The following C19orf38 variants were observed in gnomAD, a reference collection of about 807,000 sequenced individuals.
C19orf38 encodes protein HIDE1.
C19orf38 carries 14 observed loss-of-function variants against 26.6 expected under a neutral mutation model. That is an observed-to-expected ratio of 0.53 (90% CI 0.35 to 0.82). C19orf38 has a LOEUF of 0.82. C19orf38 is among the 40% of genes least tolerant of loss of function. The pLI is 0.01. For synonymous variants in C19orf38, 132 were observed against 128.5 expected (o/e 1.03, Z -0.18); for missense variants, 261 against 299.5 (o/e 0.87, Z 0.95).
rs568272352 is a variant in C19orf38 at position 10,858,565 on chromosome 19, G to C, written c.461+222G>C. ...ATCCTTATGGCAGCCCTGGAAACAG[G>C]CACCATGAATAGCCCTATTTTACAG... On this transcript the variant is annotated intron_variant, in intron 4 of 6. Transcript: ENST00000397820. 5.3e-5 allele frequency among the ~76,000 whole-genome samples: 8 copies of C among 152,262 alleles called. No homozygotes were observed. The East Asian group carries it at 1.2e-3, about 22-fold the overall frequency.
rs140868481 is a variant in C19orf38, at chr19:10,838,356, G to C, written c.-69+1586G>C. Among the ~76,000 whole-genome samples the C allele has an allele frequency of 5.6e-4, 86 of 152,328 alleles. 1 individual carries two copies. Among genetic ancestry groups the C allele is most frequent in the African/African-American group, 1.7e-3 (71 of 41,582 alleles). Reference sequence around the variant, plus strand: ...ACCTGGGAAGCGGAGCTTGCAGTGAGCCCAGATGATGCCACTGCACTCCAG... The same window carrying C: ...ACCTGGGAAGCGGAGCTTGCAGTGACCCCAGATGATGCCACTGCACTCCAG... On this transcript the variant is annotated intron_variant, in intron 1 of 7. Transcript: ENST00000592854.
At chr19:10,847,644 C>T (rs1041623825), upstream of C19orf38, among the ~76,000 whole-genome samples, 5 of 151,908 alleles carry the variant, frequency 3.3e-5, no homozygotes, top group African/African-American at 9.7e-5. Context: ...GCTGGGATTA[C>T]AGGCGTGAGC....
At chr19:10,844,750 A>G (rs1177426417), upstream of C19orf38, among the ~76,000 whole-genome samples, 4 of 150,630 alleles carry the variant, frequency 2.7e-5, no homozygotes, top group African/African-American at 9.8e-5. Context: ...CGGGAGACTG[A>G]GGCAGGAGAA....
At chr19:10,861,262 G>C (rs1007750006) in intron 5 of C19orf38, among the ~76,000 whole-genome samples, 1 of 152,172 alleles carries the variant, frequency 6.6e-6, no homozygotes, top group Admixed American at 6.6e-5. Context: ...GTCTATCTCC[G>C]GGACTCCAGG....
intron 6 of C19orf38, among the ~76,000 whole-genome samples, chr19:10,863,491 C>G (rs2073723708): frequency 6.6e-6 from 1 of 152,146 alleles, no homozygotes. Context: ...TCAGTGCTGC[C>G]TTTGGTCTCA....
At chr19:10,852,000 A>G (rs1411902254) in intron 2 of C19orf38, among the ~76,000 whole-genome samples, 1 of 151,686 alleles carries the variant, frequency 6.6e-6, no homozygotes, top group Non-Finnish European at 1.5e-5. Context: ...AAAAATACAA[A>G]AAATAGCTGG....
chr19:10,862,689 G>C (rs578197612), intron 5 of C19orf38, among the ~76,000 whole-genome samples: 1 of 152,230 alleles, frequency 6.6e-6, no homozygotes, highest in African/African-American at 2.4e-5. Flanking sequence ...AATTAGCTAG[G>C]TGTAGTGGTG....
intron 1 of C19orf38, among the ~76,000 whole-genome samples, chr19:10,838,071 TA>T (rs1427687931): frequency 1.3e-5 from 2 of 152,222 alleles, no homozygotes; most frequent in Non-Finnish European, 2.9e-5. Context: ...TTGGGATTAC[TA>T]AAATTGATTT....
chr19:10,837,810 T>A (rs1025835747), intron 1 of C19orf38, among the ~76,000 whole-genome samples: 2 of 151,640 alleles, frequency 1.3e-5, no homozygotes, highest in Non-Finnish European at 2.9e-5. Flanking sequence ...CCCGGCCGGA[T>A]TTTTTTTAGG....
chr19:10,865,972 C>T (rs981671584), intron 6 of C19orf38, among the ~76,000 whole-genome samples: 1 of 151,556 alleles, frequency 6.6e-6, no homozygotes, highest in Non-Finnish European at 1.5e-5. Context: ...ACCACCATGC[C>T]CAGCTAGTTT....
At chr19:10,850,686 C>G in intron 2 of C19orf38, 119 bp downstream of exon 2, 1 of 1,065,110 alleles carries the variant, frequency 9.4e-7, no homozygotes. Context: ...CCTGCCAGGA[C>G]TTACTCGCCT....
upstream of C19orf38, among the ~76,000 whole-genome samples, chr19:10,844,221 A>C (rs1484544427): frequency 6.6e-6 from 1 of 151,062 alleles, no homozygotes; most frequent in African/African-American, 2.4e-5. Flanking sequence ...CCTGACCAAC[A>C]TGGTGAAACC....
intron 3 of C19orf38, among the ~76,000 whole-genome samples, chr19:10,857,366 A>ATATATTTTTTT (rs1433358051): frequency 2.7e-4 from 15 of 56,072 alleles, no homozygotes; most frequent in African/African-American, 2.1e-3. Flanking sequence ...ATATATATAT[A>ATATATTTTTTT]TTTTTTTTTT....
chr19:10,850,338 A>T lies in C19orf38; in HGVS notation c.111A>T (p.Ala37=). Reference sequence around the variant, plus strand: ...GCCAAGAGGACCCCATCCACATCGCATGCATGGCCCCTGGGAACTTCCCGG... The same window carrying T: ...GCCAAGAGGACCCCATCCACATCGCTTGCATGGCCCCTGGGAACTTCCCGG... ...PSSQEDPIHI[A]CMAPGNFPGA... The change falls in exon 2 of 7, where the codon GCA becomes GCT. Residue 37 remains alanine, a synonymous_variant. Transcript: ENST00000397820. The T allele has an allele frequency of 1.9e-6, 3 of 1,551,302 alleles. No homozygotes were observed. Among genetic ancestry groups the T allele is most frequent in the Non-Finnish European group, 2.6e-6 (3 of 1,146,882 alleles).
At chr19:10,847,538 TA>T (rs2073528311), upstream of C19orf38, among the ~76,000 whole-genome samples, 1 of 151,314 alleles carries the variant, frequency 6.6e-6, no homozygotes, top group South Asian at 2.1e-4. Context: ...CACGCCCGGC[TA>T]ATTTTTTGTA....
chr19:10,850,627 G>A, intron 2 of C19orf38, 60 bp downstream of exon 2: 1 of 1,512,508 alleles, frequency 6.6e-7, no homozygotes, highest in South Asian at 1.2e-5. Context: ...TGGACCTCTT[G>A]TGTGTACTGT....
At chr19:10,857,842 C>G (rs2146264332) in intron 3 of C19orf38, among the ~76,000 whole-genome samples, 1 of 151,200 alleles carries the variant, frequency 6.6e-6, no homozygotes, top group Middle Eastern at 3.4e-3. Flanking sequence ...GATCATACCA[C>G]TGCACTCCAG....
At chr19:10,838,159 C>T (rs1568330485) in intron 1 of C19orf38, among the ~76,000 whole-genome samples, 1 of 152,162 alleles carries the variant, frequency 6.6e-6, no homozygotes, top group East Asian at 1.9e-4. Context: ...ACCTGTAATC[C>T]CAACACTTTT....
intron 5 of C19orf38, among the ~76,000 whole-genome samples, chr19:10,862,201 GTTTTT>G: frequency 8.3e-6 from 1 of 120,916 alleles, no homozygotes; most frequent in Admixed American, 8.5e-5. Flanking sequence ...CGCCCAGCCT[GTTTTT>G]TTTTTTTTTT....
Sources: gnomAD v4.1 joint callset for allele counts (sites outside exome capture counted in the v4.1 genomes callset) on GRCh38, gnomAD v4.1.1 for gene constraint, MANE v1.5 for transcripts, NCBI Gene and HGNC (gene_info 2026-07-23, HGNC 2026-07-21) for gene names.